The following ADPRHL1 variants were observed in gnomAD, a reference collection of about 807,000 sequenced individuals.
ADPRHL1 encodes ADP-ribosylhydrolase like 1.
Under a neutral mutation model 44.1 loss-of-function variants are expected in ADPRHL1, and 43 were observed. That is an observed-to-expected ratio of 0.98 (90% CI 0.76 to 1.26). The LOEUF is 1.26. Among genes scored for constraint, ADPRHL1 ranks in the 50% most tolerant of loss-of-function variants. ADPRHL1 has a pLI of 0.00. For missense variants in ADPRHL1, 2,022 were observed against 2,496.9 expected, an observed-to-expected ratio of 0.81 and a Z score of 4.05; for synonymous variants, 878 against 1,017.4, an observed-to-expected ratio of 0.86 and a Z score of 2.61.
intron 7 of ADPRHL1, among the ~76,000 whole-genome samples, chr13:113,412,196 G>C (rs1011499250): frequency 1.3e-5 from 2 of 151,314 alleles, no homozygotes; most frequent in East Asian, 1.9e-4. Flanking sequence ...CTTTTTTTTT[G>C]GGACGGAGTC....
chr13:113,405,808 G>A lies in ADPRHL1; in HGVS notation c.3474C>T (p.Ser1158=). ...GAGGGAGAGCCTCTCCTCTGGGGTG[G>A]CTTTCGGACAAGGCTCTGCTTCCCC... ...GQWGSRALSE[S]HPRGEALPRD... is the part of the protein sequence containing the mutation. Residue 1158 remains serine (S), a synonymous_variant, in exon 8 of 8, where the codon AGC becomes AGT. Coordinates refer to ENST00000612156, the MANE Select transcript of ADPRHL1 (RefSeq NM_001394807.1). The A allele has an allele frequency of 8.1e-7, 1 of 1,231,814 alleles. No homozygotes were observed. The highest frequency in any genetic ancestry group is 1.0e-6 in the Non-Finnish European group (1 of 988,014). The allele number at this position is 1,231,814 out of a possible 1,614,324, so 76.3% of individuals were successfully genotyped here.
At chr13:113,432,718 G>A (rs2044015734) in intron 3 of ADPRHL1, among the ~76,000 whole-genome samples, 1 of 151,482 alleles carries the variant, frequency 6.6e-6, no homozygotes, top group African/African-American at 2.4e-5. Flanking sequence ...GTTGCTCACC[G>A]CTGTTCTCAC....
rs1356450929 is a variant in ADPRHL1 at position 113,422,888 on chromosome 13, C to T, written c.999G>A (p.Leu333=). The change falls in exon 7 of 8, where the codon CTG becomes CTA. Residue 333 remains leucine, a synonymous_variant. Coordinates refer to ENST00000612156, the MANE Select transcript of ADPRHL1 (RefSeq NM_001394807.1). ...GGTCCTCCAGCTTCTCCTTGTCCTC[C>T]AGGTCCTGGTACAAGCCTTTGGGAA... is the stretch of plus-strand genomic sequence containing the variant. ...DLVPKGLYQD[L]EDKEKLEDLG... 6.2e-7 allele frequency: 1 copy of T among 1,612,840 alleles called. No homozygotes were observed. Among genetic ancestry groups the T allele is most frequent in the Non-Finnish European group, 8.5e-7 (1 of 1,180,004 alleles).
At chr13:113,437,733 G>C (rs570864176) in intron 2 of ADPRHL1, among the ~76,000 whole-genome samples, 1 of 152,328 alleles carries the variant, frequency 6.6e-6, no homozygotes, top group South Asian at 2.1e-4. Flanking sequence ...CCAGTCTGGG[G>C]CTCTGAGCAT....
At chr13:113,429,573 A>G (rs1253995233) in intron 3 of ADPRHL1, among the ~76,000 whole-genome samples, 1 of 152,244 alleles carries the variant, frequency 6.6e-6, no homozygotes, top group Non-Finnish European at 1.5e-5. Flanking sequence ...GTGTGGATGC[A>G]TGAGCTGCCT....
At chr13:113,449,263 C>A (rs773827366) in intron 1 of ADPRHL1, 1 of 975,222 alleles carries the variant, frequency 1.0e-6, no homozygotes, top group Non-Finnish European at 1.2e-6. Context: ...AGAGGCTCAC[C>A]GGGAAGGAGG....
chr13:113,420,509 T>C (rs1011148067), intron 7 of ADPRHL1, among the ~76,000 whole-genome samples: 3 of 152,120 alleles, frequency 2.0e-5, no homozygotes, highest in African/African-American at 4.8e-5. Context: ...GTGTTACTTA[T>C]GCTAGCAACA....
At chr13:113,449,314 G>A (rs920416309) in intron 1 of ADPRHL1, 40 of 667,308 alleles carry the variant, frequency 6.0e-5, no homozygotes, top group South Asian at 1.9e-4. Flanking sequence ...AGTGAGCCCC[G>A]GTCAGAGAGG....
chr13:113,408,983 G>A (rs1300706385), intron 7 of ADPRHL1, among the ~76,000 whole-genome samples: 1 of 152,066 alleles, frequency 6.6e-6, no homozygotes, highest in Non-Finnish European at 1.5e-5. Context: ...CTGCAGAGAG[G>A]AGGGAGGAGG....
At chr13:113,413,982 G>A (rs966444845) in intron 7 of ADPRHL1, among the ~76,000 whole-genome samples, 9 of 152,252 alleles carry the variant, frequency 5.9e-5, no homozygotes, top group African/African-American at 2.2e-4. Flanking sequence ...CCATGATATG[G>A]ACAGCAGCCC....
Position 113,404,103 on chromosome 13 carries a change from G to A in ADPRHL1, c.5179C>T (p.Gln1727Ter), listed in dbSNP as rs1399331700. Residue 1727 changes from glutamine (Q) to a stop codon, truncating the protein, a stop_gained, in exon 8 of 8, where the codon CAG (glutamine) becomes TAG (stop). Transcript: ENST00000612156. LOFTEE classifies it low-confidence loss of function (END_TRUNC). ...QKGAQERARE[Q>*]AQKGAQERAR... is the part of the protein sequence containing the mutation. ...CGTTCCTGAGCCCCTTTCTGGGCCT[G>A]TTCCCGAGCCCGTTCCTGAGCCCCT... 1 of 914,704 alleles carries A rather than the reference G, an allele frequency of 1.1e-6. No individual in the cohort carries two copies. The highest frequency in any genetic ancestry group is 1.4e-6 in the Non-Finnish European group (1 of 704,130). 56.7% of individuals were successfully genotyped at this position (914,704 alleles called of 1,614,324 possible).
In ADPRHL1 at chr13:113,425,083, G is replaced by A. The variant is rs1417047839; in HGVS notation, c.743C>T (p.Pro248Leu). The A allele has an allele frequency of 6.2e-7, 1 of 1,613,396 alleles. No homozygotes were observed. Among genetic ancestry groups the A allele is most frequent in the Non-Finnish European group, 8.5e-7 (1 of 1,179,938 alleles). The change falls in exon 5 of 8, where the codon CCC becomes CTC. Residue 248 changes from proline (P) to leucine (L), a missense_variant. Around this residue, in one of 8 missense-constraint regions of ADPRHL1, gnomAD observed 437 missense variants for 430.7 expected, o/e 1.01. Transcript: ENST00000612156. ...SKDSENKAIF[P>L]DNYDAEEREK... ...CCTCTCTTCTGCATCATAATTGTCG[G>A]GGAAGATGGCTTTATTTTCTGAGTC... is the stretch of plus-strand genomic sequence containing the variant.
intron 7 of ADPRHL1, among the ~76,000 whole-genome samples, chr13:113,414,383 C>G (rs902680456): frequency 6.6e-6 from 1 of 151,842 alleles, no homozygotes; most frequent in African/African-American, 2.4e-5. Flanking sequence ...CTGGAGCCGC[C>G]CCCCCTTCCT....
In ADPRHL1 at chr13:113,453,281, A is replaced by C. The variant is rs780092180; in HGVS notation, c.157T>G (p.Trp53Gly). Residue 53 changes from tryptophan (W) to glycine (G), a missense_variant, in exon 1 of 8, where the codon TGG becomes GGG. Trp to Gly is a radical substitution (Grantham distance 184). Coordinates refer to ENST00000612156, the MANE Select transcript of ADPRHL1 (RefSeq NM_001394807.1). The surrounding 1 kb of genome is among the most constrained non-coding windows in gnomAD (Gnocchi z 5.4). ...ATGATGGTGTTGTCACTCACGGGCCATTCTCCTGGCGAGAGTACGAGGTGG... is the reference window on the plus strand; with the variant it reads ...ATGATGGTGTTGTCACTCACGGGCCCTTCTCCTGGCGAGAGTACGAGGTGG... Reference protein sequence around the residue: ...LDHLVLSPGEWPVSDNTIMHI... With the variant: ...LDHLVLSPGEGPVSDNTIMHI... 2 of 1,614,130 alleles carry C rather than the reference A, an allele frequency of 1.2e-6. No homozygotes were observed. The highest frequency in any genetic ancestry group is 2.2e-5 in the South Asian group (2 of 91,080).
intron 1 of ADPRHL1, among the ~76,000 whole-genome samples, chr13:113,452,242 CTG>C (rs2044183298): frequency 6.6e-6 from 1 of 152,202 alleles, no homozygotes; most frequent in African/African-American, 2.4e-5. Context: ...GACGCCAAGG[CTG>C]TGAACAGTCG....
In ADPRHL1 at chr13:113,403,736, G is replaced by T; in HGVS notation, c.5546C>A (p.Ser1849Ter). Residue 1849 changes from serine to a stop codon, truncating the protein, a stop_gained, in exon 8 of 8, where the codon TCA (serine) becomes TAA (stop). Coordinates refer to ENST00000612156, the MANE Select transcript of ADPRHL1 (RefSeq NM_001394807.1). LOFTEE classifies it low-confidence loss of function (END_TRUNC). Reference sequence around the variant, plus strand: ...GGGCTCCCCCAGGCCACTGCCCCCTGACTGTCCACCATCCCTGGGGGCTGG... The same window carrying T: ...GGGCTCCCCCAGGCCACTGCCCCCTTACTGTCCACCATCCCTGGGGGCTGG... ...RSPAPRDGGQ[S>*]GGSGLGEPSA... The T allele has an allele frequency of 8.1e-7, 1 of 1,232,544 alleles. No homozygotes were observed. The highest frequency in any genetic ancestry group is 4.1e-5 in the South Asian group (1 of 24,398). The allele number at this position is 1,232,544 out of a possible 1,614,324, so 76.4% of individuals were successfully genotyped here.
chr13:113,437,916 C>T (rs1013893001), intron 2 of ADPRHL1, among the ~76,000 whole-genome samples: 1 of 152,194 alleles, frequency 6.6e-6, no homozygotes, highest in African/African-American at 2.4e-5. Flanking sequence ...AGTGCACCTC[C>T]GCCTGCCAGG....
chr13:113,437,565 C>T (rs1033992952), intron 2 of ADPRHL1, among the ~76,000 whole-genome samples: 2 of 152,236 alleles, frequency 1.3e-5, no homozygotes, highest in Admixed American at 6.5e-5. Context: ...GAGAACGTGC[C>T]GTGCTTTCCG....
At chr13:113,410,192 C>G in intron 7 of ADPRHL1, 1 of 929,624 alleles carries the variant, frequency 1.1e-6, no homozygotes, top group East Asian at 1.2e-4. Flanking sequence ...ACTCCGCTTC[C>G]CCCACCTTCC....
Sources: gnomAD v4.1 joint callset for allele counts (sites outside exome capture counted in the v4.1 genomes callset) on GRCh38, gnomAD v4.1.1 for gene constraint, gnomAD v4.1.1 regional missense constraint, Gnocchi (gnomAD v3.1) non-coding constraint, MANE v1.5 for transcripts, NCBI Gene and HGNC (gene_info 2026-07-23, HGNC 2026-07-21) for gene names.